Variants in PRICKLE2 observed in about 807,000 individuals in gnomAD.
PRICKLE2 encodes prickle-like protein 2.
Under a neutral mutation model 81.4 loss-of-function variants are expected in PRICKLE2, and 21 were observed. The ratio of observed to expected loss-of-function variants is 0.26; its 90% CI spans 0.18 to 0.37. The LOEUF (loss-of-function observed/expected upper bound fraction) is 0.37. Ranked by LOEUF, PRICKLE2 falls within the 10% of genes least tolerant of loss-of-function variation. The probability of loss-of-function intolerance (pLI) is 1.00; values close to 1 mark genes in which losing one functional copy is unlikely to be tolerated. For synonymous variants in PRICKLE2, 456 were observed against 421.5 expected, an observed-to-expected ratio of 1.08 and a Z score of -1.00; for missense variants, 940 against 1,109.0, an observed-to-expected ratio of 0.85 and a Z score of 2.16.
Position 64,153,271 on chromosome 3 carries a change from C to T in PRICKLE2, c.698G>A (p.Arg233His). ...FECETVLGGQ[R>H]YIMKEGRPYC... is the part of the protein sequence containing the mutation. ...GGGTCTTCCCTCCTTCATGATGTAG[C>T]GCTGGCCGCCCAGCACTGTCTCACA... Residue 233 changes from arginine (R) to histidine (H), a missense_variant, in exon 6 of 8, where the codon CGC becomes CAC. Physicochemically the swap from Arg to His is conservative, Grantham distance 29 (BLOSUM62 0). Transcript: ENST00000638394. 1 of 1,614,130 alleles carries T rather than the reference C, an allele frequency of 6.2e-7. No homozygotes were observed. Among genetic ancestry groups the T allele is most frequent in the South Asian group, 1.1e-5 (1 of 91,084 alleles).
intron 2 of PRICKLE2, among the ~76,000 whole-genome samples, chr3:64,255,307 C>T (rs1017497926): frequency 6.6e-6 from 1 of 152,152 alleles, no homozygotes; most frequent in Non-Finnish European, 1.5e-5. Flanking sequence ...TCAAGATTTG[C>T]ATTTATGTTT....
intron 2 of PRICKLE2, among the ~76,000 whole-genome samples, chr3:64,164,277 T>C (rs1298077994): frequency 1.3e-5 from 2 of 152,120 alleles, no homozygotes; most frequent in African/African-American, 4.8e-5. Context: ...CTCAGGAGGC[T>C]AAGGCAGGAG....
At chr3:64,183,856 C>T (rs2078175661) in intron 2 of PRICKLE2, among the ~76,000 whole-genome samples, 1 of 152,196 alleles carries the variant, frequency 6.6e-6, no homozygotes, top group Admixed American at 6.5e-5. Flanking sequence ...CACTTGAATG[C>T]TCTCTTTTCT....
intron 1 of PRICKLE2, among the ~76,000 whole-genome samples, chr3:64,221,360 G>A (rs1233812362): frequency 3.3e-5 from 5 of 150,436 alleles, no homozygotes; most frequent in Non-Finnish European, 5.9e-5. Flanking sequence ...AAAAGAAAAC[G>A]AAGTCTCCAA....
chr3:64,116,057 C>T (rs1461173474), intron 7 of PRICKLE2, among the ~76,000 whole-genome samples: 1 of 152,136 alleles, frequency 6.6e-6, no homozygotes, highest in Non-Finnish European at 1.5e-5. Flanking sequence ...CAAAACCATA[C>T]AATTACATGG....
intron 7 of PRICKLE2, among the ~76,000 whole-genome samples, chr3:64,117,379 G>C (rs1477740331): frequency 2.6e-5 from 4 of 152,068 alleles, no homozygotes; most frequent in South Asian, 4.1e-4. Context: ...GAAATAAAAG[G>C]CACTCCAAAT....
chr3:64,199,148 A>C, intron 1 of PRICKLE2, 181 bp from the exon 2 acceptor site: 1 of 644,490 alleles, frequency 1.6e-6, no homozygotes, highest in Admixed American at 2.5e-5. Flanking sequence ...GGCGTGGTAC[A>C]CGCATGTGAA....
intron 7 of PRICKLE2, among the ~76,000 whole-genome samples, chr3:64,117,122 T>C (rs753329602): frequency 3.3e-5 from 5 of 152,164 alleles, no homozygotes; most frequent in Non-Finnish European, 7.4e-5. Context: ...ACAATAGATG[T>C]GGAAAAGGAT....
Position 64,158,505 on chromosome 3 carries a change from T to C in PRICKLE2, c.397-1140A>G, listed in dbSNP as rs115974481. On this transcript the variant is annotated intron_variant, in intron 4 of 7. Coordinates refer to ENST00000638394, the MANE Select transcript of PRICKLE2 (RefSeq NM_198859.4). ...CCAAGGAAAAGTAACACGGTCAAGG[T>C]CATCTGGAAGAAACATGAGTCAAAC... is the stretch of plus-strand genomic sequence containing the variant. Among the ~76,000 whole-genome samples the C allele has an allele frequency of 3.4e-3, 519 of 152,288 alleles. 2 individuals carry two copies. The highest frequency in any genetic ancestry group is 0.012 in the African/African-American group (484 of 41,554).
chr3:64,190,120 G>A (rs2078305436), intron 2 of PRICKLE2, among the ~76,000 whole-genome samples: 1 of 152,166 alleles, frequency 6.6e-6, no homozygotes, highest in South Asian at 2.1e-4. Context: ...GTTAACTTCT[G>A]TAACAAATGA....
intron 7 of PRICKLE2, among the ~76,000 whole-genome samples, chr3:64,110,595 A>C (rs193034105): frequency 1.5e-3 from 226 of 152,240 alleles, no homozygotes; most frequent in Non-Finnish European, 2.9e-3. Context: ...CTGGAAAAGA[A>C]CTCTGTGTTG....
intron 2 of PRICKLE2, among the ~76,000 whole-genome samples, chr3:64,197,150 C>T (rs1039683585): frequency 1.3e-5 from 2 of 152,062 alleles, no homozygotes; most frequent in African/African-American, 4.8e-5. Context: ...TTTCTCTATC[C>T]GGTCTGTCAT....
intron 7 of PRICKLE2, among the ~76,000 whole-genome samples, chr3:64,116,543 A>C (rs1236932070): frequency 2.6e-5 from 4 of 152,182 alleles, no homozygotes; most frequent in Non-Finnish European, 1.5e-5. Context: ...AAATATAAAC[A>C]ACCATCAGAG....
Position 64,147,164 on chromosome 3 carries a change from C to G in PRICKLE2, c.1326G>C (p.Trp442Cys). 6.2e-7 allele frequency: 1 copy of G among 1,614,120 alleles called. No individual in the cohort carries two copies. ...TTTTGGGGTTGCTGAAGTGCTTGCC[C>G]CACATTTCGGGCTGGGCCCCAGCCC... Reference protein sequence around the residue: ...GQGAGAQPEMWGKHFSNPKRS... With the variant: ...GQGAGAQPEMCGKHFSNPKRS... Residue 442 changes from tryptophan (W) to cysteine (C), a missense_variant, in exon 7 of 8, where the codon TGG becomes TGC. Coordinates refer to ENST00000638394, the MANE Select transcript of PRICKLE2 (RefSeq NM_198859.4). This position sits in a 1 kb window ranked among gnomAD's most constrained non-coding sequence, Gnocchi z 5.0.
At chr3:64,259,392 G>A (rs181758708) in intron 2 of PRICKLE2, among the ~76,000 whole-genome samples, 1 of 152,280 alleles carries the variant, frequency 6.6e-6, no homozygotes, top group Non-Finnish European at 1.5e-5. Context: ...TCTGAGGGGT[G>A]AGGAAATAGG....
intron 1 of PRICKLE2, among the ~76,000 whole-genome samples, chr3:64,216,811 G>C (rs540939588): frequency 6.6e-6 from 1 of 152,268 alleles, no homozygotes; most frequent in East Asian, 1.9e-4. Context: ...TGAATTCTTT[G>C]CTGTGCATTT....
chr3:64,251,879 C>G (rs1409994886), intron 2 of PRICKLE2, among the ~76,000 whole-genome samples: 2 of 152,172 alleles, frequency 1.3e-5, no homozygotes, highest in Non-Finnish European at 2.9e-5. Flanking sequence ...TTACTAAGCT[C>G]CTACTACATC....
chr3:64,232,982 C>T (rs2079127726), intron 2 of PRICKLE2, among the ~76,000 whole-genome samples: 2 of 152,194 alleles, frequency 1.3e-5, no homozygotes, highest in African/African-American at 4.8e-5. Context: ...ACAATCATGA[C>T]CATTCATTAT....
At chr3:64,146,545 C>T in intron 7 of PRICKLE2, 1 of 364,460 alleles carries the variant, frequency 2.7e-6, no homozygotes, top group Non-Finnish European at 5.2e-6. Flanking sequence ...AGATCGAGAA[C>T]ATCCCGGCTA....
Sources: gnomAD v4.1 joint callset for allele counts (sites outside exome capture counted in the v4.1 genomes callset) on GRCh38, gnomAD v4.1.1 for gene constraint, Gnocchi (gnomAD v3.1) non-coding constraint, MANE v1.5 for transcripts, NCBI Gene and HGNC (gene_info 2026-07-23, HGNC 2026-07-21) for gene names.